The following RUBCN variants were observed in gnomAD, a reference collection of about 807,000 sequenced individuals.
The protein encoded by RUBCN is rubicon autophagy regulator, also known as run domain Beclin-1-interacting and cysteine-rich domain-containing protein.
In RUBCN, 74 loss-of-function variants were observed where a neutral mutation model predicts 113.2. That is an observed-to-expected ratio of 0.65 (90% CI 0.54 to 0.79). The LOEUF is 0.79. RUBCN is among the 30% of genes least tolerant of loss of function. The pLI, the probability that RUBCN is intolerant of heterozygous loss-of-function variation, is 0.00. For synonymous variants in RUBCN, 480 were observed against 490.0 expected, an observed-to-expected ratio of 0.98 and a Z score of 0.27; for missense variants, 1,109 against 1,251.7, an observed-to-expected ratio of 0.89 and a Z score of 1.72.
chr3:197,736,723 G>T lies in RUBCN; in HGVS notation c.-4C>A. 1 of 1,529,940 alleles carries T rather than the reference G, an allele frequency of 6.5e-7. No homozygotes were observed. Among genetic ancestry groups the T allele is most frequent in the South Asian group, 1.2e-5 (1 of 83,744 alleles). 94.8% of individuals were successfully genotyped at this position (1,529,940 alleles called of 1,614,324 possible). ...TTCCCGCGCCCTCCGGCCGCATCCGGGGCGGTGAGGCCGCCTCTTCGCCCA... is the reference window on the plus strand; with the variant it reads ...TTCCCGCGCCCTCCGGCCGCATCCGTGGCGGTGAGGCCGCCTCTTCGCCCA... On this transcript the variant is annotated 5_prime_UTR_variant, in exon 1 of 20. Coordinates refer to ENST00000296343, the MANE Select transcript of RUBCN (RefSeq NM_014687.4).
intron 2 of RUBCN, among the ~76,000 whole-genome samples, chr3:197,712,511 A>C (rs753548508): frequency 1.1e-4 from 16 of 152,272 alleles, no homozygotes; most frequent in South Asian, 4.1e-4. Context: ...CATCTTTCAG[A>C]GGGAGGAAAT....
chr3:197,694,363 G>T lies in RUBCN; in HGVS notation c.1684+12C>A. ...AAATGTGGGAACAGAAGCATCCACA[G>T]GCTCCACTGACTTCCGTGCTCAGCC... On this transcript the variant is annotated intron_variant, in intron 10 of 19. Coordinates refer to ENST00000296343, the MANE Select transcript of RUBCN (RefSeq NM_014687.4). 6.2e-7 allele frequency: 1 copy of T among 1,613,264 alleles called. No homozygotes were observed. Among genetic ancestry groups the T allele is most frequent in the Non-Finnish European group, 8.5e-7 (1 of 1,179,166 alleles).
upstream of RUBCN, among the ~76,000 whole-genome samples, chr3:197,737,771 A>G (rs1335150984): frequency 6.6e-6 from 1 of 152,208 alleles, no homozygotes; most frequent in African/African-American, 2.4e-5. Context: ...TATTGAGGTA[A>G]CGGTGGAAGG....
At position 197,669,787 on chromosome 3, in the gene RUBCN, TTATG is replaced by T. The variant is rs776129882; in HGVS notation, c.*5227_*5230del. Among the ~76,000 whole-genome samples, 2 of 152,382 alleles carry T rather than the reference TTATG, an allele frequency of 1.3e-5. No homozygotes were observed. Among genetic ancestry groups the T allele is most frequent in the South Asian group, 4.1e-4 (2 of 4,824 alleles). On this transcript the variant is annotated 3_prime_UTR_variant, in exon 20 of 20. Transcript: ENST00000296343. ...AGAATTTATTTATTTGGTCATTTAT[TTATG>T]TATGTATGGACTAATAAATATATAT...
chr3:197,725,437 CTT>C (rs1726623015), intron 1 of RUBCN, among the ~76,000 whole-genome samples: 1 of 151,014 alleles, frequency 6.6e-6, no homozygotes, highest in Admixed American at 6.6e-5. Flanking sequence ...ACTTGACTCT[CTT>C]ATATAGTCTC....
intron 11 of RUBCN, among the ~76,000 whole-genome samples, chr3:197,687,778 A>G (rs13433707): frequency 0.23 from 35,396 of 152,096 alleles, 7,724 homozygotes; most frequent in African/African-American, 0.58. Context: ...CCTCCCATGG[A>G]CACCCTCCCT....
At chr3:197,722,004 C>T (rs543365440) in intron 1 of RUBCN, among the ~76,000 whole-genome samples, 159 of 152,030 alleles carry the variant, frequency 1.0e-3, no homozygotes, top group African/African-American at 3.7e-3. Flanking sequence ...TTTGGGAGTC[C>T]GAGGTGGGCG....
rs533204562 is a variant in RUBCN at position 197,717,966 on chromosome 3, G to T, written c.219+11C>A. 8 of 1,613,296 alleles carry T rather than the reference G, an allele frequency of 5.0e-6. No individual in the cohort carries two copies. In the South Asian group the frequency reaches 8.8e-5, roughly 18 times the overall value. ...GTCAGCCAATCTGGCAAAAAAAGGA[G>T]TTCTGCATACCTGGTCACGGATAAG... On this transcript the variant is annotated intron_variant, in intron 2 of 19. Coordinates refer to ENST00000296343, the MANE Select transcript of RUBCN (RefSeq NM_014687.4).
intron 1 of RUBCN, among the ~76,000 whole-genome samples, chr3:197,731,617 C>T (rs772293239): frequency 2.7e-5 from 4 of 148,566 alleles, no homozygotes; most frequent in Admixed American, 6.7e-5. Flanking sequence ...GCTGGCCGGG[C>T]GGGGCCTGAC....
At chr3:197,740,363 G>C (rs926543408), upstream of RUBCN, among the ~76,000 whole-genome samples, 1 of 151,664 alleles carries the variant, frequency 6.6e-6, no homozygotes, top group Admixed American at 6.6e-5. Flanking sequence ...CAGCTACTCG[G>C]GAGGCTGAGC....
Position 197,717,162 on chromosome 3 carries a change from C to T in RUBCN, c.219+815G>A, listed in dbSNP as rs371913674. ...AACAAAGGGGGCAGAGAGCTGGGTG[C>T]GGTGGCTCACGCCTGTAATCCCAGC... On this transcript the variant is annotated intron_variant, in intron 2 of 19. Transcript: ENST00000296343. Among the ~76,000 whole-genome samples, 976 of 148,120 alleles carry T rather than the reference C, an allele frequency of 6.6e-3. 3 individuals are homozygous for T. The highest frequency in any genetic ancestry group is 0.012 in the South Asian group (56 of 4,608).
chr3:197,675,316 C>G lies in RUBCN; in HGVS notation c.2740+106G>C, dbSNP rs563376905. Reference sequence around the variant, plus strand: ...GGCGTGGTGTCCCCTGGGGAGGCCCCGCGAGGTGCTGAGTGGCACCGAACT... The same window carrying G: ...GGCGTGGTGTCCCCTGGGGAGGCCCGGCGAGGTGCTGAGTGGCACCGAACT... On this transcript the variant is annotated intron_variant, in intron 19 of 19. Transcript: ENST00000296343. The surrounding 1 kb of genome is among the most constrained non-coding windows in gnomAD (Gnocchi z 4.4). The G allele has an allele frequency of 4.6e-6, 7 of 1,507,054 alleles. No individual in the cohort carries two copies. Among genetic ancestry groups the G allele is most frequent in the South Asian group, 2.3e-5 (2 of 88,720 alleles). 93.4% of individuals were successfully genotyped at this position (1,507,054 alleles called of 1,614,324 possible). A position where few individuals can be genotyped will look rare whatever the true frequency, so the allele number is the denominator to read the frequency against.
Position 197,677,647 on chromosome 3 carries a change from T to C in RUBCN, c.2431-106A>G, listed in dbSNP as rs1318305655. On this transcript the variant is annotated intron_variant, in intron 16 of 19. Transcript: ENST00000296343. ...ACCCTGGGGTTCTAGAAGCCTTGCA[T>C]GCTGCACCCAGAGCAGACTGTCCTA... 3.1e-6 allele frequency: 3 copies of C among 977,212 alleles called. No individual in the cohort carries two copies. In the East Asian group the frequency reaches 7.3e-5, roughly 24 times the overall value. 60.5% of individuals were successfully genotyped at this position (977,212 alleles called of 1,614,324 possible).
Position 197,671,149 on chromosome 3 carries a change from G to C in RUBCN, c.*3869C>G, listed in dbSNP as rs180887615. 6.6e-6 allele frequency among the ~76,000 whole-genome samples: 1 copy of C among 152,186 alleles called. No individual in the cohort carries two copies. Among genetic ancestry groups the C allele is most frequent in the East Asian group, 1.9e-4 (1 of 5,184 alleles). ...CATGATTCAGCCTCCCGAGTAGCTG[G>C]GATTACAAGCACATGCCACCATGCC... On this transcript the variant is annotated 3_prime_UTR_variant, in exon 20 of 20. Transcript: ENST00000296343.
Position 197,701,049 on chromosome 3 carries a change from G to C in RUBCN, c.825C>G (p.Ala275=). Residue 275 remains alanine, a synonymous_variant, in exon 7 of 20, where the codon GCC becomes GCG. Coordinates refer to ENST00000296343, the MANE Select transcript of RUBCN (RefSeq NM_014687.4). ...CTAGTGCAGAGACTGAAACTGGGGG[G>C]GCTTGGATGGTTTGATCCTCTGCTG... The part of the protein sequence containing the change: ...VSPAEDQTIQ[A]PPVSVSALAR... The C allele has an allele frequency of 6.2e-7, 1 of 1,613,638 alleles. No homozygotes were observed. The highest frequency in any genetic ancestry group is 8.5e-7 in the Non-Finnish European group (1 of 1,179,726).
At chr3:197,691,934 G>A (rs1398416171) in intron 11 of RUBCN, among the ~76,000 whole-genome samples, 1 of 151,928 alleles carries the variant, frequency 6.6e-6, no homozygotes, top group African/African-American at 2.4e-5. Flanking sequence ...AAAATTCTTG[G>A]AATTTCTTGA....
Position 197,704,674 on chromosome 3 carries a change from T to G in RUBCN, c.331A>C (p.Ser111Arg), listed in dbSNP as rs1252873242. Residue 111 changes from serine (S) to arginine (R), a missense_variant, in exon 4 of 20, where the codon AGC (serine) becomes CGC (arginine). Physicochemically the swap from Ser to Arg is moderately radical, Grantham distance 110. Coordinates refer to ENST00000296343, the MANE Select transcript of RUBCN (RefSeq NM_014687.4). ...CGTTCACTGGCACCATCAGCACTGC[T>G]CTGGTCGTTCTCGTGCACGCTGATG... ...KFISVHENDQ[S>R]SADGASERAV... 1.2e-6 allele frequency: 2 copies of G among 1,613,940 alleles called. No homozygotes were observed. Among genetic ancestry groups the G allele is most frequent in the African/African-American group, 2.7e-5 (2 of 74,894 alleles).
Position 197,681,411 on chromosome 3 carries a change from T to G in RUBCN, c.2192-44A>C. ...CAGAAAGCCAGATGTAACTTTCCCA[T>G]CTACAAGCTGGGAAGGCAGCTCTGC... On this transcript the variant is annotated intron_variant, in intron 15 of 19. Transcript: ENST00000296343. The surrounding 1 kb of genome is among the most constrained non-coding windows in gnomAD (Gnocchi z 5.5). 1.4e-6 allele frequency: 2 copies of G among 1,457,748 alleles called. No homozygotes were observed. Among genetic ancestry groups the G allele is most frequent in the African/African-American group, 1.4e-5 (1 of 71,898 alleles). The allele number at this position is 1,457,748 out of a possible 1,614,324, so 90.3% of individuals were successfully genotyped here.
chr3:197,707,482 C>CT (rs1179971876), intron 2 of RUBCN, among the ~76,000 whole-genome samples: 1 of 151,960 alleles, frequency 6.6e-6, no homozygotes, highest in Non-Finnish European at 1.5e-5. Flanking sequence ...AATTGGCTGG[C>CT]TAGAAGTAGA....
Sources: allele counts gnomAD v4.1 joint callset (sites outside exome capture counted in the v4.1 genomes callset), GRCh38; gene constraint gnomAD v4.1.1; non-coding constraint Gnocchi (gnomAD v3.1); transcripts MANE v1.5; gene names NCBI Gene and HGNC (gene_info 2026-07-23, HGNC 2026-07-21).